The following CLDN14 variants were observed in gnomAD, a reference collection of about 807,000 sequenced individuals.
CLDN14 encodes the protein claudin 14.
In CLDN14, 2 loss-of-function variants were observed where a neutral mutation model predicts 2.1. The ratio of observed to expected loss-of-function variants is 0.96; its 90% CI spans 0.39 to 3.01. The LOEUF (loss-of-function observed/expected upper bound fraction) is 3.01. Among genes scored for constraint, CLDN14 ranks in the 30% most tolerant of loss-of-function variants. CLDN14 has a pLI of 0.09. For missense variants in CLDN14, 298 were observed against 328.0 expected (o/e 0.91, Z 0.71); for synonymous variants, 136 against 154.4 (o/e 0.88, Z 0.88).
chr21:36,548,063 C>A (rs73380014), intron 1 of CLDN14, among the ~76,000 whole-genome samples: 1,908 of 152,164 alleles, frequency 0.013, 43 homozygotes, highest in African/African-American at 0.044. Context: ...GGCTTTTTGT[C>A]AGTCCCTTGG....
At chr21:36,466,578 C>G (rs916294176) in intron 1 of CLDN14, 3 of 152,202 alleles carry the variant, frequency 2.0e-5, no homozygotes, top group Non-Finnish European at 2.9e-5. Flanking sequence ...TTACCTCCCA[C>G]TGGGTCCCTC....
intron 1 of CLDN14, among the ~76,000 whole-genome samples, chr21:36,559,816 C>A (rs2087621658): frequency 6.6e-6 from 1 of 152,196 alleles, no homozygotes; most frequent in Admixed American, 6.5e-5. Context: ...ACCCTAGAAA[C>A]ATTTGTCATA....
At chr21:36,553,569 C>A (rs924358080) in intron 1 of CLDN14, among the ~76,000 whole-genome samples, 1 of 152,076 alleles carries the variant, frequency 6.6e-6, no homozygotes, top group Admixed American at 6.5e-5. Flanking sequence ...TCTTGGCCCA[C>A]TTTGGAGACT....
At chr21:36,517,005 A>G (rs563932066) in intron 1 of CLDN14, among the ~76,000 whole-genome samples, 4 of 151,152 alleles carry the variant, frequency 2.6e-5, no homozygotes, top group African/African-American at 9.7e-5. Flanking sequence ...ACGCCTGGCT[A>G]ATTTTAGTAT....
chr21:36,535,450 GACC>G (rs369834001), intron 1 of CLDN14, among the ~76,000 whole-genome samples: 81 of 151,990 alleles, frequency 5.3e-4, no homozygotes, highest in African/African-American at 1.8e-3. Context: ...GATTTATAAA[GACC>G]ACATGGTAAT....
At chr21:36,490,949 G>GACAGACAGACACACACACAC in intron 2 of CLDN14, among the ~76,000 whole-genome samples, 2 of 148,858 alleles carry the variant, frequency 1.3e-5, no homozygotes, top group African/African-American at 5.0e-5. Context: ...CAAGTGCACA[G>GACAGACAGACACACACACAC]ACACACACAC....
intron 1 of CLDN14, among the ~76,000 whole-genome samples, chr21:36,464,080 CG>C (rs886493098): frequency 1.3e-5 from 2 of 151,944 alleles, no homozygotes; most frequent in African/African-American, 4.8e-5. Context: ...AAATGAATCA[CG>C]GGGGTGGACC....
At chr21:36,501,172 AG>A (rs34167760) in intron 2 of CLDN14, among the ~76,000 whole-genome samples, 1 of 152,108 alleles carries the variant, frequency 6.6e-6, no homozygotes, top group Non-Finnish European at 1.5e-5. Flanking sequence ...GGCTTATCTG[AG>A]GGCTGAAAGA....
chr21:36,563,141 G>T (rs2087648742), intron 1 of CLDN14, among the ~76,000 whole-genome samples: 1 of 152,154 alleles, frequency 6.6e-6, no homozygotes, highest in Non-Finnish European at 1.5e-5. Flanking sequence ...GAGATGCATG[G>T]GCTACATTCT....
In CLDN14 at chr21:36,498,409, A is replaced by G. The variant is rs1270083684; in HGVS notation, c.-82+11954T>C. 1.3e-5 allele frequency among the ~76,000 whole-genome samples: 2 copies of G among 152,170 alleles called. No homozygotes were observed. The highest frequency in any genetic ancestry group is 3.9e-4 in the East Asian group (2 of 5,194). ...CTCTGGTCCTGGAAGATCTATATGA[A>G]CTTGTATTTTACATCTCTTGTCTGG... On this transcript the variant is annotated intron_variant, in intron 2 of 2. Transcript: ENST00000342108. This position sits in a 1 kb window ranked among gnomAD's most constrained non-coding sequence, Gnocchi z 4.9.
At chr21:36,525,357 G>A (rs1188093616) in intron 1 of CLDN14, among the ~76,000 whole-genome samples, 2 of 151,268 alleles carry the variant, frequency 1.3e-5, no homozygotes, top group East Asian at 1.9e-4. Context: ...AGGATGAAGA[G>A]GATGGAAGGT....
intron 2 of CLDN14, among the ~76,000 whole-genome samples, chr21:36,506,562 A>C (rs1256664710): frequency 2.0e-5 from 3 of 151,284 alleles, no homozygotes; most frequent in Non-Finnish European, 4.4e-5. Context: ...GGGCCACTTC[A>C]CTGCAGCCTG....
intron 1 of CLDN14, among the ~76,000 whole-genome samples, chr21:36,573,114 A>T (rs2087720284): frequency 6.6e-6 from 1 of 152,132 alleles, no homozygotes; most frequent in Non-Finnish European, 1.5e-5. Context: ...ATCCTGGCTA[A>T]CATGGTGAAA....
chr21:36,469,955 G>T (rs1040926592), intron 1 of CLDN14, among the ~76,000 whole-genome samples: 33 of 151,914 alleles, frequency 2.2e-4, no homozygotes, highest in African/African-American at 6.0e-4. Flanking sequence ...TGTTGTTGTT[G>T]TTTTTCATTT....
At chr21:36,516,319 T>C (rs976354196) in intron 1 of CLDN14, among the ~76,000 whole-genome samples, 4 of 152,224 alleles carry the variant, frequency 2.6e-5, no homozygotes, top group African/African-American at 9.6e-5. Context: ...GCTTGAGACA[T>C]GCTGATATTA....
chr21:36,547,682 G>T (rs897865840), intron 1 of CLDN14, among the ~76,000 whole-genome samples: 4 of 152,166 alleles, frequency 2.6e-5, no homozygotes, highest in African/African-American at 9.6e-5. Flanking sequence ...GTCTCCCAGG[G>T]CCAGGCAGTG....
At chr21:36,525,894 C>A (rs1273340283) in intron 1 of CLDN14, among the ~76,000 whole-genome samples, 1 of 152,080 alleles carries the variant, frequency 6.6e-6, no homozygotes. Flanking sequence ...AGAGGCTGAG[C>A]GGGAGGATTG....
At chr21:36,512,496 C>T (rs577303307) in intron 1 of CLDN14, among the ~76,000 whole-genome samples, 2 of 152,262 alleles carry the variant, frequency 1.3e-5, no homozygotes, top group Admixed American at 6.5e-5. Flanking sequence ...GGAGATAAGG[C>T]ACATGATTGA....
chr21:36,461,840 C>T, intron 1 of CLDN14, 64 bp from the exon 2 acceptor site: 1 of 1,134,462 alleles, frequency 8.8e-7, no homozygotes, highest in Non-Finnish European at 1.2e-6. Flanking sequence ...TTATCTCATG[C>T]ACTTATTTCT....
Sources: allele counts gnomAD v4.1 joint callset (sites outside exome capture counted in the v4.1 genomes callset), GRCh38; gene constraint gnomAD v4.1.1; non-coding constraint Gnocchi (gnomAD v3.1); transcripts MANE v1.5; gene names NCBI Gene and HGNC (gene_info 2026-07-23, HGNC 2026-07-21).